The following KHDRBS3 variants were observed in gnomAD, a reference collection of about 807,000 sequenced individuals.
The protein encoded by KHDRBS3 is KH RNA binding domain containing, signal transduction associated 3, also known as KH domain-containing, RNA-binding, signal transduction-associated protein 3.
In KHDRBS3, 23 loss-of-function variants were observed where a neutral mutation model predicts 45.6. That is an observed-to-expected ratio of 0.50 (90% CI 0.36 to 0.72). The LOEUF (loss-of-function observed/expected upper bound fraction) is 0.72, where lower values mean the gene tolerates loss of function less well. KHDRBS3 is among the 30% of genes least tolerant of loss of function. The probability of loss-of-function intolerance (pLI) is 0.00; values close to 1 mark genes in which losing one functional copy is unlikely to be tolerated. For missense variants in KHDRBS3, 352 were observed against 424.8 expected, an observed-to-expected ratio of 0.83 and a Z score of 1.51; for synonymous variants, 162 against 156.5, an observed-to-expected ratio of 1.04 and a Z score of -0.26.
At chr8:135,591,275 C>T (rs62525189) in intron 6 of KHDRBS3, among the ~76,000 whole-genome samples, 6,109 of 152,292 alleles carry the variant, frequency 0.04, 184 homozygotes, top group Non-Finnish European at 0.061. Context: ...TATTTAATCT[C>T]TTTGGACATA....
At chr8:135,583,434 C>G (rs1828311629) in intron 6 of KHDRBS3, among the ~76,000 whole-genome samples, 1 of 152,166 alleles carries the variant, frequency 6.6e-6, no homozygotes, top group South Asian at 2.1e-4. Flanking sequence ...GCTGAGTCTC[C>G]TGAAAGTATC....
At chr8:135,550,975 A>G (rs746054984) in intron 4 of KHDRBS3, among the ~76,000 whole-genome samples, 29 of 152,178 alleles carry the variant, frequency 1.9e-4, no homozygotes, top group Admixed American at 1.8e-3. Flanking sequence ...TAAATATTGT[A>G]TACTTTTTGA....
At chr8:135,606,427 C>A (rs563775585) in intron 6 of KHDRBS3, among the ~76,000 whole-genome samples, 1 of 152,204 alleles carries the variant, frequency 6.6e-6, no homozygotes, top group African/African-American at 2.4e-5. Context: ...TCTTCAGATA[C>A]CCTGAGGAAA....
chr8:135,485,073 C>G (rs550953530), intron 1 of KHDRBS3, among the ~76,000 whole-genome samples: 1 of 152,196 alleles, frequency 6.6e-6, no homozygotes, highest in Admixed American at 6.5e-5. Context: ...AACCCTCTCT[C>G]TCCATCTCAA....
intron 6 of KHDRBS3, among the ~76,000 whole-genome samples, chr8:135,594,269 G>A (rs957624099): frequency 1.3e-5 from 2 of 152,208 alleles, no homozygotes; most frequent in Non-Finnish European, 2.9e-5. Context: ...TGGCCATCTC[G>A]ATATGTTCTT....
intron 7 of KHDRBS3, among the ~76,000 whole-genome samples, chr8:135,643,985 T>C (rs1267069489): frequency 6.6e-6 from 1 of 152,306 alleles, no homozygotes; most frequent in East Asian, 1.9e-4. Flanking sequence ...TAGAAACCTC[T>C]TGATTGTATG....
chr8:135,587,996 A>G (rs56324311), intron 6 of KHDRBS3, among the ~76,000 whole-genome samples: 2,175 of 152,236 alleles, frequency 0.014, 42 homozygotes, highest in African/African-American at 0.049. Context: ...TTTGCACTGT[A>G]TGTATAGGTT....
intron 3 of KHDRBS3, among the ~76,000 whole-genome samples, chr8:135,547,311 G>T (rs893880376): frequency 6.6e-6 from 1 of 152,002 alleles, no homozygotes; most frequent in Non-Finnish European, 1.5e-5. Context: ...GCATGTATTG[G>T]TGCCTATTAT....
chr8:135,589,678 T>G (rs1278757811), intron 6 of KHDRBS3, among the ~76,000 whole-genome samples: 2 of 152,238 alleles, frequency 1.3e-5, no homozygotes, highest in African/African-American at 4.8e-5. Flanking sequence ...CTATGTTTAC[T>G]TACTTGTCCT....
chr8:135,565,779 A>G (rs1011849359), intron 5 of KHDRBS3, among the ~76,000 whole-genome samples: 1 of 152,096 alleles, frequency 6.6e-6, no homozygotes, highest in Non-Finnish European at 1.5e-5. Flanking sequence ...AGAGCCTTCC[A>G]TTGGAGTCTT....
chr8:135,589,934 C>T (rs1563790287), intron 6 of KHDRBS3, among the ~76,000 whole-genome samples: 2 of 152,196 alleles, frequency 1.3e-5, no homozygotes, highest in Admixed American at 6.5e-5. Context: ...ACATGGTCCA[C>T]TTAGTGAACT....
chr8:135,603,355 A>G (rs946921178), intron 6 of KHDRBS3, among the ~76,000 whole-genome samples: 9 of 152,236 alleles, frequency 5.9e-5, no homozygotes, highest in East Asian at 1.9e-4. Context: ...CTTTTAATTC[A>G]TAAGAATTAT....
At chr8:135,589,807 G>A (rs753261179) in intron 6 of KHDRBS3, among the ~76,000 whole-genome samples, 4 of 152,184 alleles carry the variant, frequency 2.6e-5, no homozygotes, top group Admixed American at 1.3e-4. Flanking sequence ...GCGGAGGATG[G>A]ACAACATGAC....
intron 7 of KHDRBS3, chr8:135,625,574 A>T: frequency 1.1e-6 from 1 of 940,674 alleles, no homozygotes; most frequent in Non-Finnish European, 1.8e-6. Context: ...AGAGGGAGCC[A>T]CTGCAGTTTC....
rs59502823 is a variant in KHDRBS3, at chr8:135,515,365, T to TAAAAAAAAAAAAA, written c.89-5847_89-5835dup. Among the ~76,000 whole-genome samples, 175 of 39,746 alleles carry TAAAAAAAAAAAAA rather than the reference T, an allele frequency of 4.4e-3. 19 individuals are homozygous for TAAAAAAAAAAAAA. Among genetic ancestry groups the TAAAAAAAAAAAAA allele is most frequent in the Non-Finnish European group, 7.1e-3 (148 of 20,796 alleles). The allele number at this position is 39,746 out of a possible 152,430, so 26.1% of individuals were successfully genotyped here. ...TGGGCGACAGAGCGAGACTCCGTCT[T>TAAAAAAAAAAAAA]AAAAAAAAAAAAAAAAAAAAAAAAA... is the stretch of plus-strand genomic sequence containing the variant. On this transcript the variant is annotated intron_variant, in intron 1 of 8. Transcript: ENST00000355849.
At chr8:135,568,906 A>G (rs1200975094) in intron 5 of KHDRBS3, among the ~76,000 whole-genome samples, 1 of 152,200 alleles carries the variant, frequency 6.6e-6, no homozygotes, top group African/African-American at 2.4e-5. Flanking sequence ...AGTTTTGTCT[A>G]CAAAGCAGCC....
At chr8:135,458,511 G>A (rs546392618) in intron 1 of KHDRBS3, 148 of 260,658 alleles carry the variant, frequency 5.7e-4, no homozygotes, top group African/African-American at 2.7e-3. Flanking sequence ...GGTCCCAGGG[G>A]AGGAGCCCAG....
chr8:135,514,125 G>A (rs374071047), intron 1 of KHDRBS3, among the ~76,000 whole-genome samples: 5 of 152,124 alleles, frequency 3.3e-5, no homozygotes, highest in African/African-American at 7.2e-5. Flanking sequence ...AGTGCTTCCC[G>A]CAGAATGACT....
At chr8:135,471,016 G>A (rs1821989507) in intron 1 of KHDRBS3, among the ~76,000 whole-genome samples, 1 of 152,194 alleles carries the variant, frequency 6.6e-6, no homozygotes, top group South Asian at 2.1e-4. Context: ...GTATCTGTAA[G>A]TACTCAAAAG....
Sources: allele counts gnomAD v4.1 joint callset (sites outside exome capture counted in the v4.1 genomes callset), GRCh38; gene constraint gnomAD v4.1.1; transcripts MANE v1.5; gene names NCBI Gene and HGNC (gene_info 2026-07-23, HGNC 2026-07-21).